The following S100Z variants were observed in gnomAD, a reference collection of about 807,000 sequenced individuals.
The protein encoded by S100Z is S100 calcium binding protein Z, also known as protein S100-Z.
S100Z carries 11 observed loss-of-function variants against 8.5 expected under a neutral mutation model. That is an observed-to-expected ratio of 1.30 (90% CI 0.82 to 2.15). S100Z has a LOEUF of 2.15. Ranked by LOEUF, S100Z falls within the 30% of genes most tolerant of loss-of-function variation. S100Z has a pLI of 0.00. For synonymous variants in S100Z, 34 were observed against 43.8 expected, an observed-to-expected ratio of 0.78 and a Z score of 0.89; for missense variants, 126 against 117.9, an observed-to-expected ratio of 1.07 and a Z score of -0.32.
At chr5:76,859,350 A>G (rs1171229335) in intron 1 of S100Z, among the ~76,000 whole-genome samples, 1 of 152,192 alleles carries the variant, frequency 6.6e-6, no homozygotes, top group Non-Finnish European at 1.5e-5. Flanking sequence ...TGAGAAAAGA[A>G]GGAGTTAGCA....
intron 1 of S100Z, among the ~76,000 whole-genome samples, chr5:76,859,782 A>G (rs1478383908): frequency 6.6e-6 from 1 of 151,364 alleles, no homozygotes; most frequent in East Asian, 1.9e-4. Context: ...AAAAAAAAAA[A>G]AAAGAAATAA....
chr5:76,867,121 C>T (rs1432003198), intron 1 of S100Z, among the ~76,000 whole-genome samples: 2 of 152,102 alleles, frequency 1.3e-5, no homozygotes, highest in African/African-American at 4.8e-5. Context: ...ACACAATAAA[C>T]TGCACGTATT....
chr5:76,864,386 ATTTTTTTTTTTTTTTTTTTTTTT>A (rs56206322), intron 1 of S100Z, among the ~76,000 whole-genome samples: 1 of 72,124 alleles, frequency 1.4e-5, no homozygotes, highest in Admixed American at 2.4e-4. Context: ...TGCATACTAT[ATTTTTTTTTTTTTTTTTTTTTTT>A]TTTTTTTTTT....
intron 4 of S100Z, among the ~76,000 whole-genome samples, chr5:76,910,153 G>C (rs993950714): frequency 6.6e-6 from 1 of 152,136 alleles, no homozygotes; most frequent in African/African-American, 2.4e-5. Flanking sequence ...CCATAACTCA[G>C]GGAAAGGAAG....
chr5:76,903,248 C>T (rs1475073240), intron 4 of S100Z, among the ~76,000 whole-genome samples: 3 of 152,178 alleles, frequency 2.0e-5, no homozygotes, highest in Non-Finnish European at 4.4e-5. Flanking sequence ...TCTGTCTTAT[C>T]CCCTAGAGAC....
At chr5:76,885,856 T>C (rs1202198594) in intron 4 of S100Z, among the ~76,000 whole-genome samples, 2 of 135,834 alleles carry the variant, frequency 1.5e-5, no homozygotes, top group Non-Finnish European at 3.1e-5. Flanking sequence ...GGGTGGGGGG[T>C]GCTTGTTCCC....
chr5:76,870,849 C>T (rs534513264), intron 2 of S100Z, among the ~76,000 whole-genome samples: 6 of 152,216 alleles, frequency 3.9e-5, no homozygotes, highest in African/African-American at 7.2e-5. Flanking sequence ...AGGCTGGGCA[C>T]GCTGGCTCAC....
the S100Z span, among the ~76,000 whole-genome samples, chr5:76,936,656 C>CA: frequency 8.9e-6 from 1 of 111,918 alleles, no homozygotes; most frequent in African/African-American, 2.6e-5. Context: ...CACACACACA[C>CA]AACCATGAAG....
At chr5:76,862,839 A>T (rs2150626028) in intron 1 of S100Z, among the ~76,000 whole-genome samples, 1 of 152,202 alleles carries the variant, frequency 6.6e-6, no homozygotes, top group Admixed American at 6.6e-5. Context: ...CCTGAGGAGC[A>T]TTGCAATAAA....
At chr5:76,938,138 G>A in the S100Z span, among the ~76,000 whole-genome samples, 1 of 151,924 alleles carries the variant, frequency 6.6e-6, no homozygotes, top group African/African-American at 2.4e-5. Context: ...AAATGAGATT[G>A]GTCAAAAAGG....
chr5:76,897,466 TA>T (rs1170977359), intron 4 of S100Z, among the ~76,000 whole-genome samples: 5 of 144,304 alleles, frequency 3.5e-5, no homozygotes, highest in African/African-American at 1.5e-4. Flanking sequence ...ATAATAATAA[TA>T]AAAATAAAAA....
intron 1 of S100Z, among the ~76,000 whole-genome samples, chr5:76,853,637 AAC>A (rs1750793984): frequency 6.6e-6 from 1 of 151,852 alleles, no homozygotes; most frequent in South Asian, 2.1e-4. Context: ...CTCTAGTAAA[AAC>A]ACAAAAAATT....
At chr5:76,930,876 A>G in the S100Z span, among the ~76,000 whole-genome samples, 2 of 152,156 alleles carry the variant, frequency 1.3e-5, no homozygotes, top group African/African-American at 2.4e-5. Context: ...GTAGGAGTCC[A>G]TTGGAGGAGA....
chr5:76,873,231 A>G (rs1379132631), intron 2 of S100Z, among the ~76,000 whole-genome samples: 3 of 152,088 alleles, frequency 2.0e-5, no homozygotes, highest in Non-Finnish European at 4.4e-5. Flanking sequence ...GGGAATGGTG[A>G]GAGAGAATTT....
At chr5:76,914,942 C>T (rs1187031891) in intron 4 of S100Z, among the ~76,000 whole-genome samples, 1 of 152,166 alleles carries the variant, frequency 6.6e-6, no homozygotes, top group African/African-American at 2.4e-5. Context: ...AACTGTAACA[C>T]TCACCGCAAG....
chr5:76,857,641 G>T (rs141908063), intron 1 of S100Z, among the ~76,000 whole-genome samples: 1 of 151,872 alleles, frequency 6.6e-6, no homozygotes, highest in Non-Finnish European at 1.5e-5. Flanking sequence ...TGGAACTACC[G>T]GCATGTGCCA....
intron 4 of S100Z, among the ~76,000 whole-genome samples, chr5:76,879,218 T>C (rs145865736): frequency 1.3e-5 from 2 of 152,276 alleles, no homozygotes; most frequent in African/African-American, 4.8e-5. Flanking sequence ...GATGTGAGGC[T>C]GGAGGTGGAA....
chr5:76,891,899 T>G (rs1393282135), intron 4 of S100Z, among the ~76,000 whole-genome samples: 1 of 152,150 alleles, frequency 6.6e-6, no homozygotes, highest in Non-Finnish European at 1.5e-5. Context: ...ATTTAATTTC[T>G]TTAAGCCTCA....
intron 4 of S100Z, among the ~76,000 whole-genome samples, chr5:76,913,495 A>G (rs1435762444): frequency 6.6e-6 from 1 of 152,226 alleles, no homozygotes; most frequent in Non-Finnish European, 1.5e-5. Context: ...TCAGGAAGGA[A>G]TTATCTATAC....
Sources: allele counts gnomAD v4.1 joint callset (sites outside exome capture counted in the v4.1 genomes callset), GRCh38; gene constraint gnomAD v4.1.1; transcripts MANE v1.5; gene names NCBI Gene and HGNC (gene_info 2026-07-23, HGNC 2026-07-21).